Variants in SMURF2 observed in about 807,000 individuals in gnomAD.
SMURF2 encodes the protein E3 ubiquitin-protein ligase SMURF2.
A neutral mutation model predicts 109.6 loss-of-function variants in SMURF2; 48 were observed. That is an observed-to-expected ratio of 0.44 (90% CI 0.35 to 0.56). SMURF2 has a LOEUF of 0.56. Among genes scored for constraint, SMURF2 ranks in the 20% least tolerant of loss-of-function variants. SMURF2 has a pLI of 0.01. For missense variants in SMURF2, 575 were observed against 909.0 expected, an observed-to-expected ratio of 0.63 and a Z score of 4.72; for synonymous variants, 288 against 317.1, an observed-to-expected ratio of 0.91 and a Z score of 0.97.
chr17:64,610,864 T>C (rs1213774857), intron 1 of SMURF2, among the ~76,000 whole-genome samples: 1 of 152,212 alleles, frequency 6.6e-6, no homozygotes, highest in Non-Finnish European at 1.5e-5. Context: ...CCATTGCCTC[T>C]GAACTGCTGC....
chr17:64,576,188 G>A, intron 9 of SMURF2, among the ~76,000 whole-genome samples: 1 of 152,010 alleles, frequency 6.6e-6, no homozygotes. Flanking sequence ...CTGGACAGCA[G>A]AGCTAGATCC....
chr17:64,568,819 C>T (rs545510557), intron 10 of SMURF2, among the ~76,000 whole-genome samples: 19 of 151,698 alleles, frequency 1.3e-4, no homozygotes, highest in Middle Eastern at 3.4e-3. Context: ...CTGGCTAACA[C>T]GGTGAAACTT....
intron 1 of SMURF2, among the ~76,000 whole-genome samples, chr17:64,636,557 G>C (rs1428483096): frequency 7.2e-6 from 1 of 139,580 alleles, no homozygotes; most frequent in Non-Finnish European, 1.5e-5. Flanking sequence ...AGACGAGATT[G>C]CATGCCACTG....
At position 64,555,122 on chromosome 17, in the gene SMURF2, C is replaced by T. The variant is rs1054457791; in HGVS notation, c.1611-129G>A. 2.7e-5 allele frequency: 23 copies of T among 844,296 alleles called. No homozygotes were observed. In the African/African-American group the frequency reaches 3.6e-4, roughly 13 times the overall value. 52.3% of individuals were successfully genotyped at this position (844,296 alleles called of 1,614,324 possible). Reference sequence around the variant, plus strand: ...CAAATGTGAGGTCAGATTCTGCTTCCATACCACCTAGTTCTTTCTGGACAG... The same window carrying T: ...CAAATGTGAGGTCAGATTCTGCTTCTATACCACCTAGTTCTTTCTGGACAG... On this transcript the variant is annotated intron_variant, in intron 14 of 18. Transcript: ENST00000262435.
At chr17:64,614,093 TG>T (rs1396021981) in intron 1 of SMURF2, among the ~76,000 whole-genome samples, 1 of 152,102 alleles carries the variant, frequency 6.6e-6, no homozygotes, top group Non-Finnish European at 1.5e-5. Flanking sequence ...TAATACACGA[TG>T]GGAAGTGGTT....
At chr17:64,565,639 T>G (rs73993985) in intron 10 of SMURF2, among the ~76,000 whole-genome samples, 2 of 151,262 alleles carry the variant, frequency 1.3e-5, no homozygotes, top group Non-Finnish European at 2.9e-5. Context: ...ATAGTCAGAC[T>G]GGGTGGATTC....
intron 1 of SMURF2, among the ~76,000 whole-genome samples, chr17:64,623,755 C>T (rs560657025): frequency 6.6e-6 from 1 of 152,318 alleles, no homozygotes; most frequent in Admixed American, 6.5e-5. Context: ...TCCTTATCAA[C>T]ATTAGCAGCA....
At chr17:64,643,822 C>T (rs1181672864) in intron 1 of SMURF2, among the ~76,000 whole-genome samples, 2 of 152,068 alleles carry the variant, frequency 1.3e-5, no homozygotes, top group East Asian at 1.9e-4. Context: ...GCTTCAGCTA[C>T]GTTTTTTGTT....
At chr17:64,562,444 A>G (rs1248572570) in intron 11 of SMURF2, among the ~76,000 whole-genome samples, 2 of 150,694 alleles carry the variant, frequency 1.3e-5, no homozygotes, top group Non-Finnish European at 3.0e-5. Flanking sequence ...CAATGGTACA[A>G]TCTCGGCTCA....
rs782461489 is a variant in SMURF2 at position 64,562,285 on chromosome 17, CAAAAAAAAAAAAAA to C, written c.1212+472_1212+485del. On this transcript the variant is annotated intron_variant, in intron 11 of 18. Coordinates refer to ENST00000262435, the MANE Select transcript of SMURF2 (RefSeq NM_022739.4). ...TCCAGCCTGGCGACAGACTCCGTCT[CAAAAAAAAAAAAAA>C]AAAAAAAAAAAAAAGAGAGAGAGAG... Among the ~76,000 whole-genome samples, 8 of 19,010 alleles carry C rather than the reference CAAAAAAAAAAAAAA, an allele frequency of 4.2e-4. No individual in the cohort carries two copies. The Admixed American group carries it at 4.5e-3, about 11-fold the overall frequency. The allele number at this position is 19,010 out of a possible 152,430, so 12.5% of individuals were successfully genotyped here. A position where few individuals can be genotyped will look rare whatever the true frequency, so the allele number is the denominator to read the frequency against.
At chr17:64,644,197 G>A (rs1233539232) in intron 1 of SMURF2, among the ~76,000 whole-genome samples, 2 of 151,924 alleles carry the variant, frequency 1.3e-5, no homozygotes, top group East Asian at 1.9e-4. Context: ...TAGAGACGGA[G>A]TTTCACCATG....
At chr17:64,649,649 C>A (rs1204692496) in intron 1 of SMURF2, among the ~76,000 whole-genome samples, 1 of 142,768 alleles carries the variant, frequency 7.0e-6, no homozygotes, top group Non-Finnish European at 1.5e-5. Context: ...TGAGAAACAA[C>A]CTGGCCAACA....
chr17:64,578,655 T>C (rs1969533891), intron 8 of SMURF2, 79 bp from the exon 9 acceptor site: 5 of 854,528 alleles, frequency 5.9e-6, no homozygotes, highest in Non-Finnish European at 9.5e-6. Context: ...TAAGATGATA[T>C]ACTAATAGGG....
intron 1 of SMURF2, among the ~76,000 whole-genome samples, chr17:64,611,426 G>A (rs1334862928): frequency 2.6e-5 from 4 of 151,834 alleles, no homozygotes; most frequent in East Asian, 3.9e-4. Context: ...CCAAATATGC[G>A]TTCCCCCCAA....
At chr17:64,655,230 A>G (rs1970690234) in intron 1 of SMURF2, among the ~76,000 whole-genome samples, 1 of 150,166 alleles carries the variant, frequency 6.7e-6, no homozygotes, top group South Asian at 2.1e-4. Context: ...AAGCAATTCT[A>G]ATGACAATCC....
chr17:64,597,304 T>C (rs1969831979), intron 3 of SMURF2, among the ~76,000 whole-genome samples: 2 of 151,986 alleles, frequency 1.3e-5, no homozygotes, highest in Non-Finnish European at 1.5e-5. Flanking sequence ...TTCCAGCTAC[T>C]GAGGAGGGTG....
intron 12 of SMURF2, 82 bp from the exon 13 acceptor site, chr17:64,557,804 G>A: frequency 2.9e-6 from 2 of 683,916 alleles, no homozygotes; most frequent in East Asian, 2.9e-5. Flanking sequence ...AATCATTTTA[G>A]CAAATAATTA....
At chr17:64,642,688 C>T (rs2144723610) in intron 1 of SMURF2, among the ~76,000 whole-genome samples, 1 of 152,306 alleles carries the variant, frequency 6.6e-6, no homozygotes, top group East Asian at 1.9e-4. Flanking sequence ...ATCTATTAAG[C>T]ACTGTGTGTA....
Position 64,547,887 on chromosome 17 carries a change from C to T in SMURF2, c.1870-86G>A. The T allele has an allele frequency of 1.8e-6, 2 of 1,129,318 alleles. No homozygotes were observed. Among genetic ancestry groups the T allele is most frequent in the Non-Finnish European group, 2.6e-6 (2 of 758,554 alleles). 70.0% of individuals were successfully genotyped at this position (1,129,318 alleles called of 1,614,324 possible). A position where few individuals can be genotyped will look rare whatever the true frequency, so the allele number is the denominator to read the frequency against. ...AAAAGAGAACTTTAGGTTTGTACTG[C>T]TGGCTGTCATTTGGTGGTTCCTAAT... On this transcript the variant is annotated intron_variant, in intron 16 of 18. Transcript: ENST00000262435. The surrounding 1 kb of genome is among the most constrained non-coding windows in gnomAD (Gnocchi z 4.2).
Sources: gnomAD v4.1 joint callset for allele counts (sites outside exome capture counted in the v4.1 genomes callset) on GRCh38, gnomAD v4.1.1 for gene constraint, Gnocchi (gnomAD v3.1) non-coding constraint, MANE v1.5 for transcripts, NCBI Gene and HGNC (gene_info 2026-07-23, HGNC 2026-07-21) for gene names.